Variants in DYNC2H1 observed in about 807,000 individuals in gnomAD.
DYNC2H1 encodes the protein cytoplasmic dynein 2 heavy chain 1.
A neutral mutation model predicts 570.0 loss-of-function variants in DYNC2H1; 410 were observed. The observed-to-expected ratio is 0.72, with a 90% CI of 0.66 to 0.78. DYNC2H1 has a LOEUF of 0.78. Among genes scored for constraint, DYNC2H1 ranks in the 30% least tolerant of loss-of-function variants. DYNC2H1 has a pLI of 0.00. For synonymous variants in DYNC2H1, 1,688 were observed against 1,677.6 expected (o/e 1.01, Z -0.15); for missense variants, 4,865 against 5,046.4 (o/e 0.96, Z 1.09).
intron 57 of DYNC2H1, 43 bp from the exon 58 acceptor site, chr11:103,221,985 CAA>C: frequency 3.2e-6 from 5 of 1,583,000 alleles, no homozygotes; most frequent in Non-Finnish European, 3.4e-6. Context: ...TCAGAAACAG[CAA>C]ATTTTATTTA....
Position 103,199,134 on chromosome 11 carries a change from A to G in DYNC2H1, c.7840-94A>G, listed in dbSNP as rs1425478578. On this transcript the variant is annotated intron_variant, in intron 48 of 88. Coordinates refer to ENST00000375735, the MANE Select transcript of DYNC2H1 (RefSeq NM_001377.3). The surrounding 1 kb of genome is among the most constrained non-coding windows in gnomAD (Gnocchi z 4.6). ...TCACTTTACTTTTTTTCTTGAATGT[A>G]TCAAAAATATAATATTTTAACCTAG... is the stretch of plus-strand genomic sequence containing the variant. The G allele has an allele frequency of 4.5e-6, 4 of 884,848 alleles. No individual in the cohort carries two copies. In the East Asian group the frequency reaches 8.5e-5, roughly 19 times the overall value. 54.8% of individuals were successfully genotyped at this position (884,848 alleles called of 1,614,324 possible).
chr11:103,303,339 G>A (rs1368600324), intron 76 of DYNC2H1, 86 bp downstream of exon 76: 2 of 1,441,888 alleles, frequency 1.4e-6, no homozygotes, highest in South Asian at 1.5e-5. Flanking sequence ...ATTTTTTGTT[G>A]TGATAAGCCA....
rs1312347870 is a variant in DYNC2H1 at position 103,277,363 on chromosome 11, T to G, written c.10696-2985T>G. Among the ~76,000 whole-genome samples, 3 of 152,084 alleles carry G rather than the reference T, an allele frequency of 2.0e-5. No individual in the cohort carries two copies. The highest frequency in any genetic ancestry group is 6.6e-5 in the Admixed American group (1 of 15,252). On this transcript the variant is annotated intron_variant, in intron 70 of 88. Transcript: ENST00000375735. This position sits in a 1 kb window ranked among gnomAD's most constrained non-coding sequence, Gnocchi z 4.3. ...TTTCATTTTACTTATATTTTACAAA[T>G]TTTTCTTCATCTGGGTCTAATTTAA...
In DYNC2H1 at chr11:103,455,250, T is replaced by G; in HGVS notation, c.12521T>G (p.Phe4174Cys). The G allele has an allele frequency of 6.2e-7, 1 of 1,613,488 alleles. No individual in the cohort carries two copies. Among genetic ancestry groups the G allele is most frequent in the African/African-American group, 1.3e-5 (1 of 75,014 alleles). Reference protein sequence around the residue: ...LSETLDLSELFHPDTFLNALR... With the variant: ...LSETLDLSELCHPDTFLNALR... ...GAAACACTTGACCTATCAGAACTTT[T>G]CCATCCAGACACATTTCTTAATGCT... Residue 4174 changes from phenylalanine (F) to cysteine (C), a missense_variant, in exon 86 of 89, where the codon TTC becomes TGC. Physicochemically the swap from Phe to Cys is radical, Grantham distance 205. Around this residue, in one of 5 missense-constraint regions of DYNC2H1, gnomAD observed 2,401 missense variants for 2,454.6 expected, o/e 0.98. Coordinates refer to ENST00000375735, the MANE Select transcript of DYNC2H1 (RefSeq NM_001377.3).
At chr11:103,467,609 C>A (rs61904824) in intron 87 of DYNC2H1, among the ~76,000 whole-genome samples, 24,777 of 152,028 alleles carry the variant, frequency 0.16, 2,180 homozygotes, top group Admixed American at 0.24. Context: ...GCGATCTCGG[C>A]TCACTGCAAG....
chr11:103,279,323 G>A (rs1866037124), intron 70 of DYNC2H1, among the ~76,000 whole-genome samples: 1 of 151,840 alleles, frequency 6.6e-6, no homozygotes, highest in Non-Finnish European at 1.5e-5. Context: ...TCTTACTTAT[G>A]GAAAATAATT....
rs1474345279 is a variant in DYNC2H1, at chr11:103,250,098, G to A, written c.10043-3187G>A. Among the ~76,000 whole-genome samples the A allele has an allele frequency of 1.9e-4, 29 of 151,834 alleles. 1 individual carries two copies. Among genetic ancestry groups the A allele is most frequent in the Non-Finnish European group, 1.5e-5 (1 of 67,906 alleles). ...GCTCTTTAAACACTGGGATTATTTT[G>A]TTTTGTTTCTATTGTGTTTTTTGTG... On this transcript the variant is annotated intron_variant, in intron 65 of 88. Coordinates refer to ENST00000375735, the MANE Select transcript of DYNC2H1 (RefSeq NM_001377.3).
intron 68 of DYNC2H1, among the ~76,000 whole-genome samples, chr11:103,257,400 T>G (rs1865098570): frequency 6.6e-6 from 1 of 152,200 alleles, no homozygotes; most frequent in Admixed American, 6.5e-5. Flanking sequence ...TCTTTGCAGT[T>G]TTATAAAAAT....
intron 83 of DYNC2H1, among the ~76,000 whole-genome samples, chr11:103,392,439 G>A (rs1004455877): frequency 6.6e-6 from 1 of 152,234 alleles, no homozygotes; most frequent in South Asian, 2.1e-4. Flanking sequence ...CTGACCCCTT[G>A]CGCTTACTGG....
rs1185693077 is a variant in DYNC2H1, at chr11:103,211,839, G to A, written c.8590G>A (p.Ala2864Thr). The A allele has an allele frequency of 6.8e-7, 1 of 1,470,378 alleles. No homozygotes were observed. Among genetic ancestry groups the A allele is most frequent in the Admixed American group, 2.4e-5 (1 of 40,988 alleles). The allele number at this position is 1,470,378 out of a possible 1,614,324, so 91.1% of individuals were successfully genotyped here. ...TTTATTAATCCATGAATCTTGTAAA[G>A]CATATGGTGCTACACCAAGCCGATA... Reference protein sequence around the residue: ...SFLLIHESCKAYGATPSRYMT... With the variant: ...SFLLIHESCKTYGATPSRYMT... The change falls in exon 54 of 89, where the codon GCA becomes ACA. Residue 2864 changes from alanine (A) to threonine (T), a missense_variant. By Grantham distance (58) the Ala-to-Thr change is moderately conservative. Around this residue, in one of 5 missense-constraint regions of DYNC2H1, gnomAD observed 2,401 missense variants for 2,454.6 expected, o/e 0.98. Transcript: ENST00000375735.
At chr11:103,282,014 T>C (rs1037719902) in intron 71 of DYNC2H1, 165 bp from the exon 72 acceptor site, 3 of 533,390 alleles carry the variant, frequency 5.6e-6, no homozygotes, top group Non-Finnish European at 9.7e-6. Context: ...TGTTGTCACA[T>C]TAATTCATTC....
chr11:103,169,768 A>C (rs1305774554), intron 32 of DYNC2H1, among the ~76,000 whole-genome samples: 1 of 152,192 alleles, frequency 6.6e-6, no homozygotes, highest in Non-Finnish European at 1.5e-5. Context: ...AGTTTATATA[A>C]ATTTTAAAAT....
intron 73 of DYNC2H1, among the ~76,000 whole-genome samples, chr11:103,284,249 A>G (rs927463941): frequency 3.3e-5 from 5 of 152,152 alleles, no homozygotes; most frequent in African/African-American, 7.2e-5. Flanking sequence ...CTCCTTGGCT[A>G]TAAATTTCCA....
chr11:103,475,506 A>G (rs1341744015), intron 88 of DYNC2H1, among the ~76,000 whole-genome samples: 2 of 152,226 alleles, frequency 1.3e-5, no homozygotes. Flanking sequence ...TGAGAATGCC[A>G]AAAATACTTG....
intron 47 of DYNC2H1, among the ~76,000 whole-genome samples, chr11:103,194,611 A>C (rs1479372167): frequency 2.0e-5 from 3 of 151,938 alleles, no homozygotes; most frequent in African/African-American, 7.3e-5. Flanking sequence ...TTTAATTTGC[A>C]TTTTGCTAAG....
intron 70 of DYNC2H1, among the ~76,000 whole-genome samples, chr11:103,270,533 A>G (rs574393006): frequency 1.3e-5 from 2 of 151,542 alleles, no homozygotes; most frequent in Non-Finnish European, 3.0e-5. Context: ...GTAAAATAGA[A>G]CAATTGTAAC....
rs190077343 is a variant in DYNC2H1, at chr11:103,429,803, T to C, written c.12367-6140T>C. Reference sequence around the variant, plus strand: ...CTATTGTTAATCATTGCATATGAAGTTGAAATTACAGTGACCTCTCTGCAT... The same window carrying C: ...CTATTGTTAATCATTGCATATGAAGCTGAAATTACAGTGACCTCTCTGCAT... On this transcript the variant is annotated intron_variant, in intron 84 of 88. Coordinates refer to ENST00000375735, the MANE Select transcript of DYNC2H1 (RefSeq NM_001377.3). Among the ~76,000 whole-genome samples, 16 of 152,346 alleles carry C rather than the reference T, an allele frequency of 1.1e-4. No homozygotes were observed. The East Asian group carries it at 2.7e-3, about 26-fold the overall frequency.
At position 103,446,306 on chromosome 11, in the gene DYNC2H1, G is replaced by A. The variant is rs543178757; in HGVS notation, c.12457-8880G>A. On this transcript the variant is annotated intron_variant, in intron 85 of 88. Transcript: ENST00000375735. The surrounding 1 kb of genome is among the most constrained non-coding windows in gnomAD (Gnocchi z 4.5). ...TATTGAGATGTTTAGAAAAGGAAAA[G>A]TTGTCCATCATTAAAACCAAGAAAT... Among the ~76,000 whole-genome samples, 1 of 152,260 alleles carries A rather than the reference G, an allele frequency of 6.6e-6. No homozygotes were observed. Among genetic ancestry groups the A allele is most frequent in the South Asian group, 2.1e-4 (1 of 4,824 alleles).
intron 53 of DYNC2H1, among the ~76,000 whole-genome samples, chr11:103,210,958 A>G (rs1863132790): frequency 6.6e-6 from 1 of 152,084 alleles, no homozygotes; most frequent in African/African-American, 2.4e-5. Flanking sequence ...TTAGAAACAA[A>G]TATCTTTATA....
Sources: gnomAD v4.1 joint callset for allele counts (sites outside exome capture counted in the v4.1 genomes callset) on GRCh38, gnomAD v4.1.1 for gene constraint, gnomAD v4.1.1 regional missense constraint, Gnocchi (gnomAD v3.1) non-coding constraint, MANE v1.5 for transcripts, NCBI Gene and HGNC (gene_info 2026-07-23, HGNC 2026-07-21) for gene names.